SGCD: variants seen among roughly 807,000 people sequenced by gnomAD.
SGCD encodes delta-sarcoglycan.
A neutral mutation model predicts 36.6 loss-of-function variants in SGCD; 18 were observed. The observed-to-expected ratio is 0.49, with a 90% CI of 0.34 to 0.73. The LOEUF is 0.73. Ranked by LOEUF, SGCD falls within the 30% of genes least tolerant of loss-of-function variation. The pLI, the probability that SGCD is intolerant of heterozygous loss-of-function variation, is 0.01. For missense variants in SGCD, 387 were observed against 346.7 expected, an observed-to-expected ratio of 1.12 and a Z score of -0.92; for synonymous variants, 133 against 130.6, an observed-to-expected ratio of 1.02 and a Z score of -0.12.
chr5:156,441,489 G>C (rs1013084543), intron 3 of SGCD, among the ~76,000 whole-genome samples: 2 of 152,054 alleles, frequency 1.3e-5, no homozygotes, highest in African/African-American at 4.8e-5. Context: ...AATTATTACT[G>C]TATTCTTTAC....
chr5:155,784,497 T>G, the SGCD span, among the ~76,000 whole-genome samples: 2,012 of 152,180 alleles, frequency 0.013, 40 homozygotes, highest in African/African-American at 0.045. Flanking sequence ...ACAGTCTACA[T>G]GGATTTTAGC....
the SGCD span, among the ~76,000 whole-genome samples, chr5:155,767,445 C>G: frequency 2.0e-5 from 3 of 152,196 alleles, no homozygotes; most frequent in Non-Finnish European, 4.4e-5. Flanking sequence ...GTGAAACAAA[C>G]TACATTTTCT....
chr5:156,539,784 G>A (rs1758277317), intron 4 of SGCD, among the ~76,000 whole-genome samples: 1 of 152,048 alleles, frequency 6.6e-6, no homozygotes, highest in Admixed American at 6.6e-5. Context: ...CCAGTAGTGG[G>A]ATTGCTGTAT....
intron 1 of SGCD, among the ~76,000 whole-genome samples, chr5:156,082,043 G>T (rs922699457): frequency 1.3e-5 from 2 of 152,180 alleles, no homozygotes; most frequent in Non-Finnish European, 2.9e-5. Context: ...AGAGCAGGCA[G>T]TGATTTATGA....
chr5:156,396,990 AG>A (rs1771891120), intron 3 of SGCD, among the ~76,000 whole-genome samples: 1 of 152,236 alleles, frequency 6.6e-6, no homozygotes, highest in African/African-American at 2.4e-5. Context: ...GGGCATAAAA[AG>A]GGCTTTACAG....
chr5:156,181,212 C>CA (rs2127627132), intron 3 of SGCD, among the ~76,000 whole-genome samples: 1 of 152,060 alleles, frequency 6.6e-6, no homozygotes, highest in South Asian at 2.1e-4. Context: ...TTCTGCACCC[C>CA]AAAAATAGCA....
At chr5:156,294,898 T>C (rs1436952915) in intron 3 of SGCD, among the ~76,000 whole-genome samples, 1 of 152,210 alleles carries the variant, frequency 6.6e-6, no homozygotes, top group Non-Finnish European at 1.5e-5. Flanking sequence ...ATTTTGTTGA[T>C]AATTTTTGCA....
intron 3 of SGCD, among the ~76,000 whole-genome samples, chr5:156,272,471 T>C (rs1766206718): frequency 6.6e-6 from 1 of 152,218 alleles, no homozygotes; most frequent in South Asian, 2.1e-4. Context: ...TGAATTGTGC[T>C]GCTAGAAGCA....
the SGCD span, among the ~76,000 whole-genome samples, chr5:155,812,344 A>G: frequency 1.3e-5 from 2 of 152,214 alleles, no homozygotes; most frequent in African/African-American, 2.4e-5. Flanking sequence ...CTGCACGTCC[A>G]TTCATAGGCT....
At chr5:156,525,754 TG>T (rs1277995010) in intron 4 of SGCD, among the ~76,000 whole-genome samples, 2 of 152,264 alleles carry the variant, frequency 1.3e-5, no homozygotes, top group African/African-American at 4.8e-5. Flanking sequence ...AGTTGATTTT[TG>T]TGTACAGTAT....
chr5:155,889,680 GGT>G (rs1756080091), intron 1 of SGCD, among the ~76,000 whole-genome samples: 1 of 152,226 alleles, frequency 6.6e-6, no homozygotes, highest in South Asian at 2.1e-4. Context: ...TGATTGGAAA[GGT>G]AGTCAGGGAC....
chr5:156,186,257 A>G (rs1199522951), intron 3 of SGCD, among the ~76,000 whole-genome samples: 2 of 152,088 alleles, frequency 1.3e-5, no homozygotes, highest in Non-Finnish European at 2.9e-5. Flanking sequence ...GGTGACTTCT[A>G]TATTGAGTTC....
intron 1 of SGCD, among the ~76,000 whole-genome samples, chr5:155,942,110 ATATAT>A (rs941552026): frequency 3.9e-5 from 6 of 152,166 alleles, no homozygotes; most frequent in African/African-American, 1.4e-4. Context: ...ATTCTGCATA[ATATAT>A]TATATATGTA....
intron 3 of SGCD, among the ~76,000 whole-genome samples, chr5:156,208,921 A>C (rs1414547759): frequency 1.3e-5 from 2 of 152,312 alleles, no homozygotes; most frequent in Non-Finnish European, 2.9e-5. Context: ...ATAAGAAAAA[A>C]TGTATCAAAG....
chr5:156,244,305 G>A (rs746876352), intron 3 of SGCD, among the ~76,000 whole-genome samples: 3 of 152,162 alleles, frequency 2.0e-5, no homozygotes, highest in Non-Finnish European at 4.4e-5. Context: ...GAGCCTTAAA[G>A]GCCCAGGGCA....
At chr5:156,166,283 C>T (rs1444820090) in intron 3 of SGCD, among the ~76,000 whole-genome samples, 2 of 151,826 alleles carry the variant, frequency 1.3e-5, no homozygotes, top group African/African-American at 2.4e-5. Flanking sequence ...GTGCCTACAA[C>T]TTCCAAGACG....
At chr5:155,759,053 G>T in the SGCD span, among the ~76,000 whole-genome samples, 3 of 151,504 alleles carry the variant, frequency 2.0e-5, no homozygotes, top group African/African-American at 7.3e-5. Context: ...TATTGCCCAG[G>T]CTGGTCTCAA....
chr5:156,458,514 C>G (rs1170458962), intron 3 of SGCD: 22 of 1,551,410 alleles, frequency 1.4e-5, no homozygotes, highest in Non-Finnish European at 1.9e-5. Context: ...TAACCTACAA[C>G]AAACCAGAAT....
At chr5:156,515,167 T>C (rs1173683360) in intron 4 of SGCD, among the ~76,000 whole-genome samples, 1 of 152,162 alleles carries the variant, frequency 6.6e-6, no homozygotes, top group East Asian at 1.9e-4. Context: ...TTGACTTTTC[T>C]CTCATTCTTC....
Sources: gnomAD v4.1 joint callset for allele counts (sites outside exome capture counted in the v4.1 genomes callset) on GRCh38, gnomAD v4.1.1 for gene constraint, MANE v1.5 for transcripts, NCBI Gene and HGNC (gene_info 2026-07-23, HGNC 2026-07-21) for gene names.